The following CDH8 variants were observed in gnomAD, a reference collection of about 807,000 sequenced individuals.
CDH8 encodes the protein cadherin 8, also known as cadherin-8.
CDH8 carries 17 observed loss-of-function variants against 68.1 expected under a neutral mutation model. The observed-to-expected ratio is 0.25, with a 90% CI of 0.17 to 0.37. The LOEUF is 0.37. Ranked by LOEUF, CDH8 falls within the 10% of genes least tolerant of loss-of-function variation. The probability of loss-of-function intolerance (pLI) is 1.00; values close to 1 mark genes in which losing one functional copy is unlikely to be tolerated. For missense variants in CDH8, 763 were observed against 999.3 expected (o/e 0.76, Z 3.19); for synonymous variants, 372 against 365.1 (o/e 1.02, Z -0.21).
chr16:61,768,395 C>CT (rs1567461337), intron 8 of CDH8, among the ~76,000 whole-genome samples: 3 of 23,452 alleles, frequency 1.3e-4, no homozygotes, highest in African/African-American at 6.9e-4. Flanking sequence ...TCTCTCTCTC[C>CT]CTTTCTCTCT....
intron 9 of CDH8, among the ~76,000 whole-genome samples, chr16:61,719,982 A>G (rs1241256891): frequency 7.7e-6 from 1 of 130,652 alleles, no homozygotes; most frequent in Non-Finnish European, 1.6e-5. Flanking sequence ...ATGTCTCCCA[A>G]TCTTATTAGG....
chr16:61,653,759 T>G lies in CDH8; in HGVS notation c.2249A>C (p.Glu750Ala). 1.2e-6 allele frequency: 2 copies of G among 1,614,202 alleles called. No homozygotes were observed. Among genetic ancestry groups the G allele is most frequent in the Non-Finnish European group, 1.7e-6 (2 of 1,180,036 alleles). ...PYDSIQIYGY[E>A]GRGSVAGSLS... ...GGAGCCAGCCACTGACCCTCGGCCT[T>G]CATAGCCATATATCTGAATGGAGTC... The change falls in exon 12 of 12, where the codon GAA (glutamate) becomes GCA (alanine). Residue 750 changes from glutamate (E) to alanine (A), a missense_variant. By Grantham distance (107) the Glu-to-Ala change is moderately radical (BLOSUM62 -1). This residue lies in a region of CDH8 where 397 missense variants were observed against 436.2 expected (regional missense o/e 0.91). Coordinates refer to ENST00000577390, the MANE Select transcript of CDH8 (RefSeq NM_001796.5).
intron 2 of CDH8, among the ~76,000 whole-genome samples, chr16:61,926,738 C>G (rs1185730595): frequency 2.6e-5 from 4 of 152,138 alleles, no homozygotes; most frequent in Non-Finnish European, 5.9e-5. Context: ...CTACATGAGT[C>G]TCTTTAATAG....
intron 8 of CDH8, chr16:61,743,015 T>C (rs1959918093): frequency 6.6e-6 from 1 of 152,254 alleles, no homozygotes; most frequent in African/African-American, 2.4e-5. Flanking sequence ...CTCGCCTCTA[T>C]CACAATACAT....
Position 61,727,196 on chromosome 16 carries a change from T to C in CDH8, c.1434A>G (p.Ser478=), listed in dbSNP as rs538593171. The change falls in exon 9 of 12, where the codon TCA becomes TCG. Residue 478 remains serine, a synonymous_variant. Coordinates refer to ENST00000577390, the MANE Select transcript of CDH8 (RefSeq NM_001796.5). ...ATEIRNHSQI[S]RVPVAIKVLD... ...GCACTTTAATAGCAACAGGTACTCG[T>C]GATATCTGACTGTGGTTCCCTATGG... 1 of 1,608,918 alleles carries C rather than the reference T, an allele frequency of 6.2e-7. No homozygotes were observed. The highest frequency in any genetic ancestry group is 2.2e-5 in the East Asian group (1 of 44,758).
Position 61,689,530 on chromosome 16 carries a change from A to G in CDH8, c.1654+24311T>C, listed in dbSNP as rs569523828. 9.2e-5 allele frequency among the ~76,000 whole-genome samples: 14 copies of G among 152,084 alleles called. No individual in the cohort carries two copies. In the South Asian group the frequency reaches 2.9e-3, roughly 32 times the overall value. On this transcript the variant is annotated intron_variant, in intron 10 of 11. Coordinates refer to ENST00000577390, the MANE Select transcript of CDH8 (RefSeq NM_001796.5). ...TACCCCTCCTTAGCTTTGTGACTTC[A>G]GGGCAATCATTTAGCCTCAACCTCA...
At position 61,727,172 on chromosome 16, in the gene CDH8, C is replaced by A; in HGVS notation, c.1458G>T (p.Val486=). ...QISRVPVAIK[V]LDVNDNAPEF... is the part of the protein sequence containing the mutation. The stretch of plus-strand genomic sequence containing the variant: ...CAGGGGCGTTGTCATTGACATCCAG[C>A]ACTTTAATAGCAACAGGTACTCGTG... Residue 486 remains valine, a synonymous_variant, in exon 9 of 12, where the codon GTG becomes GTT. Transcript: ENST00000577390. 6.2e-7 allele frequency: 1 copy of A among 1,610,056 alleles called. No individual in the cohort carries two copies. Among genetic ancestry groups the A allele is most frequent in the African/African-American group, 1.3e-5 (1 of 74,632 alleles).
intron 8 of CDH8, among the ~76,000 whole-genome samples, chr16:61,778,796 C>G (rs1355773189): frequency 6.6e-6 from 1 of 152,140 alleles, no homozygotes; most frequent in Non-Finnish European, 1.5e-5. Context: ...GACTCCAACT[C>G]CATCCAACTC....
At chr16:61,735,466 T>A (rs1959651544) in intron 8 of CDH8, among the ~76,000 whole-genome samples, 1 of 152,122 alleles carries the variant, frequency 6.6e-6, no homozygotes, top group African/African-American at 2.4e-5. Flanking sequence ...AACTCTCTCC[T>A]GAGAATTTCG....
intron 2 of CDH8, among the ~76,000 whole-genome samples, chr16:61,983,974 G>A (rs1399256111): frequency 6.6e-6 from 1 of 151,384 alleles, no homozygotes; most frequent in Non-Finnish European, 1.5e-5. Flanking sequence ...CTGGAGTGCA[G>A]TGGCACCATC....
At chr16:61,729,324 C>A (rs894883835) in intron 8 of CDH8, among the ~76,000 whole-genome samples, 13 of 150,960 alleles carry the variant, frequency 8.6e-5, no homozygotes, top group African/African-American at 3.1e-4. Flanking sequence ...ATGAAGGTTA[C>A]TAATTACTAC....
At chr16:61,748,744 C>T (rs536044778) in intron 8 of CDH8, among the ~76,000 whole-genome samples, 2 of 152,074 alleles carry the variant, frequency 1.3e-5, no homozygotes, top group East Asian at 1.9e-4. Context: ...ATGACCAATC[C>T]TGTCCTATCT....
intron 4 of CDH8, among the ~76,000 whole-genome samples, chr16:61,844,302 G>A (rs1459550519): frequency 6.7e-6 from 1 of 148,650 alleles, no homozygotes; most frequent in Non-Finnish European, 1.5e-5. Context: ...GGGAGGGAGG[G>A]ATAGCATTAG....
intron 1 of CDH8, among the ~76,000 whole-genome samples, chr16:62,032,943 T>C (rs551230779): frequency 2.6e-5 from 4 of 152,204 alleles, no homozygotes; most frequent in African/African-American, 9.7e-5. Context: ...CTTTTTAATA[T>C]GTGCATGTTC....
intron 3 of CDH8, among the ~76,000 whole-genome samples, chr16:61,896,752 G>A (rs1963875132): frequency 6.6e-6 from 1 of 152,182 alleles, no homozygotes; most frequent in Admixed American, 6.6e-5. Context: ...CAAAGGTAAG[G>A]TGGGAAACAG....
rs577304511 is a variant in CDH8 at position 61,677,212 on chromosome 16, G to A, written c.1655-21491C>T. On this transcript the variant is annotated intron_variant, in intron 10 of 11. Coordinates refer to ENST00000577390, the MANE Select transcript of CDH8 (RefSeq NM_001796.5). ...TGTATCTGATTCTGATCTCTTCATC[G>A]TCTTTCCCAGAAAACACAGGGATCA... Among the ~76,000 whole-genome samples the A allele has an allele frequency of 2.6e-4, 39 of 149,624 alleles. 1 individual carries two copies. The highest frequency in any genetic ancestry group is 1.9e-3 in the South Asian group (9 of 4,688).
At chr16:61,669,870 T>C (rs972772241) in intron 10 of CDH8, among the ~76,000 whole-genome samples, 1 of 152,068 alleles carries the variant, frequency 6.6e-6, no homozygotes, top group Non-Finnish European at 1.5e-5. Context: ...TATAACATTT[T>C]CTCGTTAGCG....
At chr16:61,880,517 C>G (rs1963554741) in intron 3 of CDH8, among the ~76,000 whole-genome samples, 1 of 152,110 alleles carries the variant, frequency 6.6e-6, no homozygotes, top group Non-Finnish European at 1.5e-5. Context: ...ATCAAAAAGA[C>G]CAGTATGGAG....
intron 2 of CDH8, among the ~76,000 whole-genome samples, chr16:61,959,649 CAGAG>C (rs1227606882): frequency 6.7e-6 from 1 of 149,854 alleles, no homozygotes; most frequent in Non-Finnish European, 1.5e-5. Context: ...CAGAAAGAGA[CAGAG>C]GGAGGAAATG....
Sources: gnomAD v4.1 joint callset for allele counts (sites outside exome capture counted in the v4.1 genomes callset) on GRCh38, gnomAD v4.1.1 for gene constraint, gnomAD v4.1.1 regional missense constraint, MANE v1.5 for transcripts, NCBI Gene and HGNC (gene_info 2026-07-23, HGNC 2026-07-21) for gene names.